C8B: variants seen among roughly 807,000 people sequenced by gnomAD.
C8B encodes the protein complement component C8 beta chain.
A neutral mutation model predicts 64.6 loss-of-function variants in C8B; 67 were observed. That is an observed-to-expected ratio of 1.04 (90% CI 0.85 to 1.27). The LOEUF is 1.27. Ranked by LOEUF, C8B falls within the 50% of genes most tolerant of loss-of-function variation. The probability of loss-of-function intolerance (pLI) is 0.00; values close to 1 mark genes in which losing one functional copy is unlikely to be tolerated. For missense variants in C8B, 790 were observed against 725.2 expected (o/e 1.09, Z -1.03); for synonymous variants, 284 against 257.7 (o/e 1.10, Z -0.98).
intron 1 of C8B, among the ~76,000 whole-genome samples, chr1:56,965,235 G>A (rs978704544): frequency 7.9e-5 from 12 of 152,164 alleles, no homozygotes; most frequent in Middle Eastern, 3.2e-3. Context: ...ACATTGCTAC[G>A]TCACTGGCTC....
In C8B at chr1:56,960,585, G is replaced by C. The variant is rs372936883; in HGVS notation, c.93-409C>G. Among the ~76,000 whole-genome samples the C allele has an allele frequency of 1.3e-3, 200 of 152,340 alleles. 1 individual carries two copies. Among genetic ancestry groups the C allele is most frequent in the African/African-American group, 4.5e-3 (188 of 41,578 alleles). ...TGTGCAGGCCCAGTGGGAGTCAGGA[G>C]AGCCTGGTAGTAGGGAAACAAGGAA... On this transcript the variant is annotated intron_variant, in intron 1 of 11. Coordinates refer to ENST00000371237, the MANE Select transcript of C8B (RefSeq NM_000066.4).
rs1174320543 is a variant in C8B, at chr1:56,931,840, C to T, written c.1591G>A (p.Gly531Ser). The T allele has an allele frequency of 6.2e-7, 1 of 1,612,326 alleles. No individual in the cohort carries two copies. Among genetic ancestry groups the T allele is most frequent in the African/African-American group, 1.3e-5 (1 of 74,874 alleles). ...CGATAGGAGACCTCACAGGCTAGGCCTTGGGATCCAACAGGACAGATGCAG... is the reference window on the plus strand; with the variant it reads ...CGATAGGAGACCTCACAGGCTAGGCTTTGGGATCCAACAGGACAGATGCAG... ...CDCICPVGSQGLACEVSYRKN... is the reference protein window; with the variant it reads ...CDCICPVGSQSLACEVSYRKN... The change falls in exon 11 of 12, where the codon GGC becomes AGC. Residue 531 changes from glycine to serine, a missense_variant. Coordinates refer to ENST00000371237, the MANE Select transcript of C8B (RefSeq NM_000066.4).
intron 9 of C8B, among the ~76,000 whole-genome samples, chr1:56,936,046 C>T (rs1011069842): frequency 6.6e-6 from 1 of 152,204 alleles, no homozygotes; most frequent in Non-Finnish European, 1.5e-5. Flanking sequence ...TTCTTCTGTT[C>T]TTGAGCCTTT....
chr1:56,929,723 CA>C (rs1407155119), intron 11 of C8B, among the ~76,000 whole-genome samples, 165 bp from the exon 12 acceptor site: 1 of 152,178 alleles, frequency 6.6e-6, no homozygotes. Context: ...TTGCCTACCA[CA>C]GGGCCTTTGC....
intron 9 of C8B, among the ~76,000 whole-genome samples, chr1:56,936,101 C>G (rs575304139): frequency 6.6e-6 from 1 of 152,204 alleles, no homozygotes; most frequent in Non-Finnish European, 1.5e-5. Context: ...CTTCAAATAA[C>G]AAACTAAGAC....
chr1:56,949,239 T>C (rs1293057782), intron 6 of C8B, among the ~76,000 whole-genome samples: 1 of 152,174 alleles, frequency 6.6e-6, no homozygotes, highest in African/African-American at 2.4e-5. Context: ...CCCTCATGAA[T>C]AGATTAATGC....
chr1:56,937,548 C>A (rs1285230990), intron 9 of C8B, among the ~76,000 whole-genome samples: 1 of 152,084 alleles, frequency 6.6e-6, no homozygotes, highest in Non-Finnish European at 1.5e-5. Context: ...AGCATAGGAC[C>A]CAGCCAACAA....
At position 56,965,958 on chromosome 1, in the gene C8B, G is replaced by A. The variant is rs757483246; in HGVS notation, c.-10C>T. On this transcript the variant is annotated 5_prime_UTR_variant, in exon 1 of 12. Coordinates refer to ENST00000371237, the MANE Select transcript of C8B (RefSeq NM_000066.4). ...TCCTGGAATTCTTCATTTTCCCAATGTGACAGGAGATGCCACAGAGGCTGC... is the reference window on the plus strand; with the variant it reads ...TCCTGGAATTCTTCATTTTCCCAATATGACAGGAGATGCCACAGAGGCTGC... The A allele has an allele frequency of 3.7e-6, 6 of 1,613,504 alleles. No homozygotes were observed. The highest frequency in any genetic ancestry group is 4.5e-5 in the East Asian group (2 of 44,864).
chr1:56,959,061 A>C (rs2101460404), intron 2 of C8B, among the ~76,000 whole-genome samples: 1 of 152,324 alleles, frequency 6.6e-6, no homozygotes, highest in African/African-American at 2.4e-5. Context: ...TATACAAGGA[A>C]TACTGGACAG....
intron 8 of C8B, among the ~76,000 whole-genome samples, chr1:56,942,696 T>G (rs1055381229): frequency 6.6e-6 from 1 of 151,488 alleles, no homozygotes; most frequent in African/African-American, 2.4e-5. Flanking sequence ...AGAGTGAGAC[T>G]CCATCTCAAA....
chr1:56,941,914 T>C (rs1393297286), intron 8 of C8B, among the ~76,000 whole-genome samples: 1 of 152,236 alleles, frequency 6.6e-6, no homozygotes, highest in African/African-American at 2.4e-5. Flanking sequence ...CATGAGTCCA[T>C]CTCTGACTTT....
chr1:56,937,743 T>A (rs974873855), intron 9 of C8B, among the ~76,000 whole-genome samples: 1 of 150,400 alleles, frequency 6.6e-6, no homozygotes, highest in African/African-American at 2.5e-5. Flanking sequence ...TATTCCTTAT[T>A]TACCTGAAAT....
At chr1:56,956,632 G>A in intron 3 of C8B, 137 bp downstream of exon 3, 1 of 849,164 alleles carries the variant, frequency 1.2e-6, no homozygotes, top group Non-Finnish European at 2.0e-6. Context: ...AAGGAGGTCA[G>A]AGATTTTAGG....
chr1:56,954,755 C>A lies in C8B; in HGVS notation c.464G>T (p.Cys155Phe), dbSNP rs1395817319. Residue 155 changes from cysteine (C) to phenylalanine (F), a missense_variant, in exon 4 of 12, where the codon TGT becomes TTT. Transcript: ENST00000371237. ...DCGDQSDEAN[C>F]RRIYKKCQHE... ...CTGACATTTTTTATAAATCCTTCTA[C>A]AGTTTGCTTCATCTGACTGGTCTCC... The A allele has an allele frequency of 6.2e-7, 1 of 1,614,054 alleles. No homozygotes were observed. The highest frequency in any genetic ancestry group is 1.3e-5 in the African/African-American group (1 of 74,936).
At position 56,946,074 on chromosome 1, in the gene C8B, C is replaced by A. The variant is rs764986723; in HGVS notation, c.865-13G>T. On this transcript the variant is annotated splice_polypyrimidine_tract_variant and intron_variant, in intron 6 of 11. Transcript: ENST00000371237. ...GAAATACGCTTTTCTAAATGAAATA[C>A]CAACATGGGAAAACCAGACCTTTAA... The A allele has an allele frequency of 6.2e-7, 1 of 1,613,852 alleles. No homozygotes were observed. The highest frequency in any genetic ancestry group is 8.5e-7 in the Non-Finnish European group (1 of 1,179,960).
intron 8 of C8B, among the ~76,000 whole-genome samples, chr1:56,943,021 C>A (rs964656002): frequency 6.6e-6 from 1 of 151,296 alleles, no homozygotes; most frequent in African/African-American, 2.4e-5. Context: ...GCCTGAGCCC[C>A]GAAGGTGGAG....
rs977081705 is a variant in C8B, at chr1:56,960,129, A to T, written c.140T>A (p.Phe47Tyr). Residue 47 changes from phenylalanine (F) to tyrosine (Y), a missense_variant, in exon 2 of 12, where the codon TTT (phenylalanine) becomes TAT (tyrosine). Coordinates refer to ENST00000371237, the MANE Select transcript of C8B (RefSeq NM_000066.4). ...ACTCCGCATCTGTCTGCTCTTAGCA[A>T]AGCTCTTGTTGACTGCATTTGACCC... ...SFGSNAVNKS[F>Y]AKSRQMRSVD... is the part of the protein sequence containing the mutation. The T allele has an allele frequency of 6.2e-7, 1 of 1,614,046 alleles. No individual in the cohort carries two copies. The highest frequency in any genetic ancestry group is 1.3e-5 in the African/African-American group (1 of 74,926).
chr1:56,946,877 T>A (rs374220572), intron 6 of C8B, among the ~76,000 whole-genome samples: 1 of 152,186 alleles, frequency 6.6e-6, no homozygotes, highest in South Asian at 2.1e-4. Context: ...ATCCTTCAGT[T>A]CTACAAAGCC....
In C8B at chr1:56,929,331, G is replaced by T; in HGVS notation, c.*73C>A. ...GCATGAACTCCAGGTGGAAACTGGT[G>T]TAGGGCTGAGCTGGCATGAGTTCTT... On this transcript the variant is annotated 3_prime_UTR_variant, in exon 12 of 12. Transcript: ENST00000371237. The T allele has an allele frequency of 1.3e-6, 2 of 1,530,336 alleles. No homozygotes were observed. The highest frequency in any genetic ancestry group is 1.8e-6 in the Non-Finnish European group (2 of 1,105,638). The allele number at this position is 1,530,336 out of a possible 1,614,324, so 94.8% of individuals were successfully genotyped here. A position where few individuals can be genotyped will look rare whatever the true frequency, so the allele number is the denominator to read the frequency against.
Sources: gnomAD v4.1 joint callset for allele counts (sites outside exome capture counted in the v4.1 genomes callset) on GRCh38, gnomAD v4.1.1 for gene constraint, MANE v1.5 for transcripts, NCBI Gene and HGNC (gene_info 2026-07-23, HGNC 2026-07-21) for gene names.